Variants in LRRC4C observed in about 807,000 individuals in gnomAD.
LRRC4C encodes leucine-rich repeat-containing protein 4C.
A neutral mutation model predicts 33.6 loss-of-function variants in LRRC4C; 5 were observed. That is an observed-to-expected ratio of 0.15 (90% CI 0.08 to 0.31). The LOEUF (loss-of-function observed/expected upper bound fraction) is 0.31. Among genes scored for constraint, LRRC4C ranks in the 10% least tolerant of loss-of-function variants. The pLI is 1.00. For missense variants in LRRC4C, 560 were observed against 796.7 expected (o/e 0.70, Z 3.58); for synonymous variants, 329 against 302.0 (o/e 1.09, Z -0.93).
chr11:40,288,960 T>C (rs971157829), intron 4 of LRRC4C, among the ~76,000 whole-genome samples: 3 of 152,182 alleles, frequency 2.0e-5, no homozygotes, highest in African/African-American at 7.2e-5. Flanking sequence ...ACACAGCACA[T>C]TAATTGCATT....
intron 1 of LRRC4C, among the ~76,000 whole-genome samples, chr11:41,223,188 C>G (rs182591666): frequency 4.9e-4 from 75 of 152,206 alleles, no homozygotes; most frequent in African/African-American, 1.7e-3. Flanking sequence ...TGAGGTCTTT[C>G]ATTAAGAGAC....
chr11:41,018,052 A>AT (rs1483431701), intron 1 of LRRC4C, among the ~76,000 whole-genome samples: 3 of 135,026 alleles, frequency 2.2e-5, no homozygotes, highest in African/African-American at 7.9e-5. Flanking sequence ...TTTCTCAAAG[A>AT]TTAGTTTATT....
intron 1 of LRRC4C, among the ~76,000 whole-genome samples, chr11:41,432,809 C>T (rs1268745191): frequency 2.0e-5 from 3 of 151,992 alleles, no homozygotes; most frequent in East Asian, 1.9e-4. Context: ...CATCATTTTT[C>T]CCCCCTGTGG....
intron 5 of LRRC4C, among the ~76,000 whole-genome samples, chr11:40,228,968 G>T (rs1381570553): frequency 1.3e-5 from 2 of 152,124 alleles, no homozygotes; most frequent in Admixed American, 6.5e-5. Context: ...AGGCTATCTT[G>T]CCAGATCAGG....
chr11:40,487,054 T>C (rs1953899664), intron 3 of LRRC4C, among the ~76,000 whole-genome samples: 1 of 152,066 alleles, frequency 6.6e-6, no homozygotes, highest in Non-Finnish European at 1.5e-5. Flanking sequence ...CTAGAAAGTC[T>C]GTTAACTTAT....
intron 2 of LRRC4C, among the ~76,000 whole-genome samples, chr11:40,909,213 C>T (rs1956559241): frequency 6.6e-6 from 1 of 152,036 alleles, no homozygotes; most frequent in Non-Finnish European, 1.5e-5. Flanking sequence ...TATTTATCAT[C>T]TCCTTTTAAA....
At chr11:40,748,866 A>C (rs984310190) in intron 2 of LRRC4C, among the ~76,000 whole-genome samples, 14 of 152,148 alleles carry the variant, frequency 9.2e-5, no homozygotes, top group African/African-American at 2.9e-4. Flanking sequence ...TTAAGTAAAA[A>C]ACTGTAGTAA....
intron 5 of LRRC4C, among the ~76,000 whole-genome samples, chr11:40,215,967 C>G (rs368476606): frequency 8.5e-5 from 13 of 152,110 alleles, no homozygotes; most frequent in East Asian, 3.9e-4. Flanking sequence ...GATCTGTGAG[C>G]TGAGAAACAT....
At chr11:41,029,361 T>G (rs969932928) in intron 1 of LRRC4C, among the ~76,000 whole-genome samples, 1 of 151,890 alleles carries the variant, frequency 6.6e-6, no homozygotes, top group Middle Eastern at 3.4e-3. Flanking sequence ...TTTAAAACAA[T>G]ATGTGGGCCT....
intron 3 of LRRC4C, among the ~76,000 whole-genome samples, chr11:40,578,153 T>TG: frequency 1.1e-5 from 1 of 90,042 alleles, no homozygotes; most frequent in Non-Finnish European, 2.5e-5. Flanking sequence ...TTTTTTTTTT[T>TG]TTTTTTTTTT....
At chr11:40,697,912 C>T (rs962577506) in intron 2 of LRRC4C, among the ~76,000 whole-genome samples, 1 of 151,584 alleles carries the variant, frequency 6.6e-6, no homozygotes, top group African/African-American at 2.4e-5. Flanking sequence ...ACTAAAAATA[C>T]AAAAAATTAG....
chr11:40,537,185 G>T (rs1408757246), intron 3 of LRRC4C, among the ~76,000 whole-genome samples: 3 of 152,120 alleles, frequency 2.0e-5, no homozygotes, highest in South Asian at 2.1e-4. Flanking sequence ...GTGAAGGGCT[G>T]GAATATTTCC....
intron 3 of LRRC4C, among the ~76,000 whole-genome samples, chr11:40,454,417 C>A (rs1193325759): frequency 6.6e-6 from 1 of 151,728 alleles, no homozygotes; most frequent in Admixed American, 6.6e-5. Context: ...TAACACTTCT[C>A]CCTCTGCTTT....
At chr11:40,769,049 G>T (rs1949622106) in intron 2 of LRRC4C, among the ~76,000 whole-genome samples, 1 of 151,938 alleles carries the variant, frequency 6.6e-6, no homozygotes, top group African/African-American at 2.4e-5. Flanking sequence ...AATTATCGTT[G>T]TTTGTGAATA....
intron 2 of LRRC4C, among the ~76,000 whole-genome samples, chr11:40,765,732 A>G (rs1224360363): frequency 6.6e-6 from 1 of 152,036 alleles, no homozygotes; most frequent in Non-Finnish European, 1.5e-5. Flanking sequence ...ATCAAGCAGA[A>G]GAAAGAACTG....
At chr11:41,353,517 T>C (rs1952054715) in intron 1 of LRRC4C, among the ~76,000 whole-genome samples, 1 of 152,142 alleles carries the variant, frequency 6.6e-6, no homozygotes, top group African/African-American at 2.4e-5. Context: ...CCCTAACTCA[T>C]TCTGTGAAGC....
intron 3 of LRRC4C, among the ~76,000 whole-genome samples, chr11:40,417,915 G>A (rs1049767049): frequency 2.6e-5 from 4 of 152,150 alleles, no homozygotes; most frequent in Non-Finnish European, 5.9e-5. Context: ...CTGGTATCAC[G>A]CAGAGCCAAT....
rs111762846 is a variant in LRRC4C at position 40,326,268 on chromosome 11, C to T, written c.-269-6547G>A. 5.3e-4 allele frequency among the ~76,000 whole-genome samples: 80 copies of T among 152,110 alleles called. 6 individuals are homozygous for T. In the South Asian group the frequency reaches 0.012, roughly 24 times the overall value. On this transcript the variant is annotated intron_variant, in intron 3 of 6. Transcript: ENST00000528697. ...AGGCTTCTTTGGCAATTATTATTTACCAAAATTAAGTCTGGCCAGGCGCAG... is the reference window on the plus strand; with the variant it reads ...AGGCTTCTTTGGCAATTATTATTTATCAAAATTAAGTCTGGCCAGGCGCAG...
chr11:41,213,106 G>A (rs1946890912), intron 1 of LRRC4C, among the ~76,000 whole-genome samples: 1 of 152,084 alleles, frequency 6.6e-6, no homozygotes, highest in South Asian at 2.1e-4. Context: ...TAGAATAGGG[G>A]CATCATGAAA....
Sources: gnomAD v4.1 joint callset for allele counts (sites outside exome capture counted in the v4.1 genomes callset) on GRCh38, gnomAD v4.1.1 for gene constraint, MANE v1.5 for transcripts, NCBI Gene and HGNC (gene_info 2026-07-23, HGNC 2026-07-21) for gene names.